The following CNTN3 variants were observed in gnomAD, a reference collection of about 807,000 sequenced individuals.
CNTN3 encodes contactin 3, also known as contactin-3.
Under a neutral mutation model 119.1 loss-of-function variants are expected in CNTN3, and 60 were observed. The observed-to-expected ratio is 0.50, with a 90% CI of 0.41 to 0.62. The LOEUF is 0.62. CNTN3 is among the 20% of genes least tolerant of loss of function. CNTN3 has a pLI of 0.00. For synonymous variants in CNTN3, 450 were observed against 438.7 expected (o/e 1.03, Z -0.32); for missense variants, 1,101 against 1,242.4 (o/e 0.89, Z 1.71).
At chr3:74,506,725 G>T in intron 2 of CNTN3, among the ~76,000 whole-genome samples, 1 of 111,636 alleles carries the variant, frequency 9.0e-6, no homozygotes. Flanking sequence ...ACAGTCAATG[G>T]TCCATTTATC....
chr3:74,271,170 G>A (rs1701768528), intron 20 of CNTN3, among the ~76,000 whole-genome samples: 1 of 152,098 alleles, frequency 6.6e-6, no homozygotes, highest in Non-Finnish European at 1.5e-5. Context: ...AAACTGGGAA[G>A]GTGGGAATAT....
At chr3:74,301,589 G>A (rs1346879117) in intron 15 of CNTN3, 42 bp from the exon 16 acceptor site, 2 of 1,612,172 alleles carry the variant, frequency 1.2e-6, no homozygotes, top group South Asian at 1.1e-5. Context: ...GCCTGCTTTA[G>A]CATTGACTTG....
chr3:74,574,925 C>CT (rs71625983), intron 1 of CNTN3, among the ~76,000 whole-genome samples: 51,289 of 145,154 alleles, frequency 0.35, 9,300 homozygotes, highest in East Asian at 0.56. Flanking sequence ...GAAGCATTTT[C>CT]TTTTTTTTTT....
At chr3:74,448,930 T>A (rs1702096920) in intron 4 of CNTN3, among the ~76,000 whole-genome samples, 1 of 152,144 alleles carries the variant, frequency 6.6e-6, no homozygotes, top group African/African-American at 2.4e-5. Flanking sequence ...ACTTTCTATA[T>A]CCAAGATGAA....
chr3:74,600,751 G>A (rs1036973754), intron 1 of CNTN3, among the ~76,000 whole-genome samples: 9 of 151,924 alleles, frequency 5.9e-5, no homozygotes, highest in South Asian at 2.1e-4. Flanking sequence ...CCAAGTAGCC[G>A]CTAAAACACA....
intron 5 of CNTN3, among the ~76,000 whole-genome samples, chr3:74,404,210 A>C (rs980866269): frequency 6.6e-6 from 1 of 152,128 alleles, no homozygotes; most frequent in Non-Finnish European, 1.5e-5. Context: ...CTTTATGAGG[A>C]GTTCTTTATT....
chr3:74,514,857 G>A (rs1415207357), intron 2 of CNTN3, among the ~76,000 whole-genome samples: 1 of 152,090 alleles, frequency 6.6e-6, no homozygotes, highest in African/African-American at 2.4e-5. Flanking sequence ...ATACCTATCT[G>A]TGGGAAAAGA....
intron 1 of CNTN3, among the ~76,000 whole-genome samples, chr3:74,608,661 C>A (rs1575866491): frequency 6.6e-6 from 1 of 152,154 alleles, no homozygotes; most frequent in South Asian, 2.1e-4. Flanking sequence ...TCTTTATACA[C>A]TAAAATAAAT....
Position 74,422,720 on chromosome 3 carries a change from G to C in CNTN3, c.454+2125C>G, listed in dbSNP as rs60155835. On this transcript the variant is annotated intron_variant, in intron 5 of 22. Coordinates refer to ENST00000263665, the MANE Select transcript of CNTN3 (RefSeq NM_020872.3). ...CACCTATAAAACTGATCACAACCAA[G>C]ACTACCCAGCTATTATGTTATGTTC... 2.3e-3 allele frequency among the ~76,000 whole-genome samples: 349 copies of C among 152,186 alleles called. 2 individuals carry two copies. The highest frequency in any genetic ancestry group is 8.2e-3 in the African/African-American group (340 of 41,518).
Position 74,340,165 on chromosome 3 carries a change from A to G in CNTN3, c.1365-3507T>C, listed in dbSNP as rs567938726. The stretch of plus-strand genomic sequence containing the variant: ...ATATGGGAGGATATGCATAGGTTGT[A>G]TGCAAAAGCCAAGCTATTTTGTGTA... On this transcript the variant is annotated intron_variant, in intron 11 of 22. Coordinates refer to ENST00000263665, the MANE Select transcript of CNTN3 (RefSeq NM_020872.3). 1.2e-3 allele frequency among the ~76,000 whole-genome samples: 177 copies of G among 152,246 alleles called. 2 individuals carry two copies. Among genetic ancestry groups the G allele is most frequent in the African/African-American group, 4.2e-3 (174 of 41,564 alleles).
intron 4 of CNTN3, among the ~76,000 whole-genome samples, chr3:74,431,195 G>A (rs1281181275): frequency 6.6e-6 from 1 of 152,098 alleles, no homozygotes; most frequent in African/African-American, 2.4e-5. Context: ...ATCTTCCCAT[G>A]CAGTAGCAAG....
At chr3:74,370,019 G>A (rs777634860) in intron 6 of CNTN3, 28 bp from the exon 7 acceptor site, 84 of 1,236,470 alleles carry the variant, frequency 6.8e-5, no homozygotes, top group African/African-American at 5.7e-4. Flanking sequence ...AAAGTTAATC[G>A]TTTCAATATT....
intron 3 of CNTN3, among the ~76,000 whole-genome samples, chr3:74,494,802 C>T (rs1188433360): frequency 6.6e-6 from 1 of 152,084 alleles, no homozygotes; most frequent in Admixed American, 6.6e-5. Context: ...ACACACTTCA[C>T]CGTTAAAGGT....
intron 4 of CNTN3, among the ~76,000 whole-genome samples, chr3:74,474,481 A>G (rs1436540540): frequency 6.6e-6 from 1 of 152,094 alleles, no homozygotes; most frequent in Non-Finnish European, 1.5e-5. Context: ...TGGGGAGCTG[A>G]GTAGTGATAG....
At chr3:74,602,295 CAAAAAAAAAAAAAA>C (rs1167052275) in intron 1 of CNTN3, among the ~76,000 whole-genome samples, 1 of 19,688 alleles carries the variant, frequency 5.1e-5, no homozygotes, top group Non-Finnish European at 1.5e-4. Context: ...GACCTGGTCT[CAAAAAAAAAAAAAA>C]AAAAAAAAAA....
At chr3:74,539,850 CTT>C (rs1703817771) in intron 1 of CNTN3, among the ~76,000 whole-genome samples, 1 of 152,100 alleles carries the variant, frequency 6.6e-6, no homozygotes, top group African/African-American at 2.4e-5. Flanking sequence ...AACGTACAGG[CTT>C]TATTTCCCAT....
chr3:74,356,543 G>C (rs1452926559), intron 11 of CNTN3, among the ~76,000 whole-genome samples: 3 of 152,004 alleles, frequency 2.0e-5, no homozygotes, highest in Admixed American at 1.3e-4. Context: ...TTACCTGTCT[G>C]TATACCCTGA....
At chr3:74,526,033 A>G (rs1023521219) in intron 1 of CNTN3, among the ~76,000 whole-genome samples, 2 of 151,874 alleles carry the variant, frequency 1.3e-5, no homozygotes, top group African/African-American at 4.8e-5. Context: ...ATTTGGCAAC[A>G]TTTCTTTCAG....
chr3:74,273,425 C>T (rs897304353), intron 20 of CNTN3, among the ~76,000 whole-genome samples: 1 of 152,142 alleles, frequency 6.6e-6, no homozygotes, highest in Non-Finnish European at 1.5e-5. Flanking sequence ...GACCCACAGA[C>T]CCTCTGAAGG....
Sources: allele counts gnomAD v4.1 joint callset (sites outside exome capture counted in the v4.1 genomes callset), GRCh38; gene constraint gnomAD v4.1.1; transcripts MANE v1.5; gene names NCBI Gene and HGNC (gene_info 2026-07-23, HGNC 2026-07-21).